Variants in USH1C observed in about 807,000 individuals in gnomAD.
The protein encoded by USH1C is USH1 protein network component harmonin, also known as harmonin.
Under a neutral mutation model 119.3 loss-of-function variants are expected in USH1C, and 90 were observed. That is an observed-to-expected ratio of 0.75 (90% CI 0.64 to 0.90). The LOEUF (loss-of-function observed/expected upper bound fraction) is 0.90. Among genes scored for constraint, USH1C ranks in the 40% least tolerant of loss-of-function variants. The pLI is 0.00. For synonymous variants in USH1C, 465 were observed against 443.3 expected (o/e 1.05, Z -0.62); for missense variants, 1,165 against 1,167.7 (o/e 1.00, Z 0.03).
rs397517876 is a variant in USH1C, at chr11:17,498,234, G to A, written c.2418C>T (p.Asn806=). ...GGGTGTAGTCTGTCACAATCTTGCC[G>A]TTGATTGCCATGATCTCGTCCCCTT... The part of the protein sequence containing the change: ...IVKGDEIMAI[N]GKIVTDYTLA... Residue 806 remains asparagine, a synonymous_variant, in exon 24 of 27, where the codon AAC becomes AAT. Coordinates refer to ENST00000005226, the MANE Select transcript of USH1C (RefSeq NM_153676.4). The A allele has an allele frequency of 1.1e-5, 17 of 1,614,054 alleles. No homozygotes were observed. The highest frequency in any genetic ancestry group is 1.7e-5 in the Admixed American group (1 of 60,006).
At chr11:17,521,053 G>A in intron 13 of USH1C, 59 bp from the exon 14 acceptor site, 1 of 1,607,696 alleles carries the variant, frequency 6.2e-7, no homozygotes, top group Non-Finnish European at 8.5e-7. Context: ...CCCATCTCCT[G>A]CATATCGGAG....
At chr11:17,506,036 T>A in intron 18 of USH1C, 87 bp from the exon 19 acceptor site, 1 of 1,593,778 alleles carries the variant, frequency 6.3e-7, no homozygotes, top group Non-Finnish European at 8.6e-7. Context: ...CATGCAAATC[T>A]ACACCCATGC....
At chr11:17,504,847 A>G (rs1172400055) in intron 19 of USH1C, 150 bp from the exon 20 acceptor site, 6 of 718,916 alleles carry the variant, frequency 8.3e-6, no homozygotes, top group Non-Finnish European at 1.2e-5. Flanking sequence ...GGCCTGCTCA[A>G]TGCCCAAAGA....
In USH1C at chr11:17,533,258, T is replaced by C. The variant is rs75157409; in HGVS notation, c.101A>G (p.His34Arg). 1,678 of 1,613,556 alleles carry C rather than the reference T, an allele frequency of 1.0e-3. 16 individuals are homozygous for C. The African/African-American group carries it at 0.017, about 16-fold the overall frequency. The change falls in exon 2 of 27, where the codon CAC becomes CGC. Residue 34 changes from histidine to arginine, a missense_variant. His to Arg is a conservative substitution (Grantham distance 29). Transcript: ENST00000005226. ...GAGCTGGACCCAGCACACTTACTGG[T>C]GGTACATTCGCAGCACATCATAGAG... ...DYLYDVLRMY[H>R]QTMDVAVLVG...
chr11:17,518,737 G>C (rs956535360), intron 14 of USH1C, among the ~76,000 whole-genome samples: 11 of 152,088 alleles, frequency 7.2e-5, no homozygotes, highest in Non-Finnish European at 1.5e-4. Context: ...GCAGGGCCCG[G>C]GGCCAGGCAC....
Position 17,497,986 on chromosome 11 carries a change from T to C in USH1C, c.2490+176A>G, listed in dbSNP as rs77449674. Among the ~76,000 whole-genome samples, 343 of 152,306 alleles carry C rather than the reference T, an allele frequency of 2.3e-3. 1 individual carries two copies. Among genetic ancestry groups the C allele is most frequent in the African/African-American group, 7.9e-3 (328 of 41,568 alleles). ...AGGAATTGACATCTATTTTTCTGAA[T>C]CCCATCTTGTCAGATTTAAACCACA... On this transcript the variant is annotated intron_variant, in intron 24 of 26. Transcript: ENST00000005226.
At position 17,496,668 on chromosome 11, in the gene USH1C, G is replaced by C. The variant is rs1044584445; in HGVS notation, c.2546+90C>G. On this transcript the variant is annotated intron_variant, in intron 25 of 26. Transcript: ENST00000005226. ...CGTGCTTGGGCCATTCCTTCAGGCT[G>C]GGAGAAGGCTGGGGATGGGCTGGAG... 1.2e-5 allele frequency: 19 copies of C among 1,523,806 alleles called. No homozygotes were observed. In the East Asian group the frequency reaches 4.3e-4, roughly 35 times the overall value. 94.4% of individuals were successfully genotyped at this position (1,523,806 alleles called of 1,614,324 possible).
At chr11:17,505,805 C>T (rs1025361692) in intron 19 of USH1C, 25 bp downstream of exon 19, 30 of 1,613,676 alleles carry the variant, frequency 1.9e-5, no homozygotes, top group Non-Finnish European at 2.5e-5. Flanking sequence ...CTAGAGACAA[C>T]CTGGAGGGGA....
In USH1C at chr11:17,524,439, A is replaced by G. The variant is rs1850565034; in HGVS notation, c.759+12T>C. On this transcript the variant is annotated intron_variant, in intron 9 of 26. Coordinates refer to ENST00000005226, the MANE Select transcript of USH1C (RefSeq NM_153676.4). ...AGTGGGCCCCCACTGGGGCCGGCCCAGCGTCACTCACCTCCAATCCCACCT... is the reference window on the plus strand; with the variant it reads ...AGTGGGCCCCCACTGGGGCCGGCCCGGCGTCACTCACCTCCAATCCCACCT... 1.3e-6 allele frequency: 2 copies of G among 1,566,374 alleles called. No homozygotes were observed. Among genetic ancestry groups the G allele is most frequent in the East Asian group, 4.8e-5 (2 of 41,994 alleles).
At chr11:17,495,225 C>T in intron 26 of USH1C, 3 of 365,964 alleles carry the variant, frequency 8.2e-6, no homozygotes, top group East Asian at 6.1e-5. Flanking sequence ...ATGCCTGGTT[C>T]GAGGCATTGT....
In USH1C at chr11:17,505,921, C is replaced by A. The variant is rs754366710; in HGVS notation, c.2042G>T (p.Arg681Leu). The change falls in exon 19 of 27, where the codon CGA becomes CTA. Residue 681 changes from arginine (R) to leucine (L), a missense_variant. Physicochemically the swap from Arg to Leu is moderately radical, Grantham distance 102. Coordinates refer to ENST00000005226, the MANE Select transcript of USH1C (RefSeq NM_153676.4). ...KTFCPSPQPP[R>L]GPGVSTISKP... ...GGAGATGGTGGACACGCCAGGGCCT[C>A]GTGGAGGCTGTGGGCTTGGGCAAAA... 1 of 1,614,172 alleles carries A rather than the reference C, an allele frequency of 6.2e-7. No individual in the cohort carries two copies. Among genetic ancestry groups the A allele is most frequent in the Non-Finnish European group, 8.5e-7 (1 of 1,180,020 alleles).
intron 2 of USH1C, among the ~76,000 whole-genome samples, chr11:17,532,199 C>T (rs1006517245): frequency 3.9e-5 from 6 of 152,234 alleles, no homozygotes; most frequent in Admixed American, 3.3e-4. Flanking sequence ...TACTTATCTC[C>T]ATTCACACCC....
chr11:17,539,931 A>G, intron 1 of USH1C, among the ~76,000 whole-genome samples: 1 of 150,012 alleles, frequency 6.7e-6, no homozygotes, highest in Non-Finnish European at 1.5e-5. Context: ...CTCCAGGCTC[A>G]ATTGATTCTC....
At chr11:17,526,546 C>T (rs923495227) in intron 7 of USH1C, 105 bp from the exon 8 acceptor site, 2 of 1,176,428 alleles carry the variant, frequency 1.7e-6, no homozygotes, top group Non-Finnish European at 2.5e-6. Flanking sequence ...TCACGCCAGC[C>T]AGATCATCAT....
chr11:17,533,698 A>G (rs1170452725), intron 1 of USH1C: 3 of 484,938 alleles, frequency 6.2e-6, no homozygotes, highest in South Asian at 4.6e-5. Flanking sequence ...ATCCATGGCC[A>G]GAAGAAGCCC....
chr11:17,518,039 T>G (rs141181454), intron 14 of USH1C, among the ~76,000 whole-genome samples: 1 of 152,210 alleles, frequency 6.6e-6, no homozygotes, highest in Non-Finnish European at 1.5e-5. Context: ...GAGCAAACCC[T>G]CCATTCCAGA....
intron 24 of USH1C, among the ~76,000 whole-genome samples, chr11:17,497,883 A>C (rs1465344500): frequency 2.0e-5 from 3 of 152,172 alleles, no homozygotes; most frequent in African/African-American, 4.8e-5. Flanking sequence ...AAAAGACCTT[A>C]AGTCTTTTTC....
In USH1C at chr11:17,526,294, G is replaced by A. The variant is rs111974318; in HGVS notation, c.674+53C>T. ...AGTGAGGAAGGGGAGGGCAATAGGG[G>A]CCTGCTGGGGTGCACTGGCCACGAA... is the stretch of plus-strand genomic sequence containing the variant. On this transcript the variant is annotated intron_variant, in intron 8 of 26. Coordinates refer to ENST00000005226, the MANE Select transcript of USH1C (RefSeq NM_153676.4). The A allele has an allele frequency of 3.5e-4, 520 of 1,482,372 alleles. No homozygotes were observed. The African/African-American group carries it at 6.4e-3, about 18-fold the overall frequency. 91.8% of individuals were successfully genotyped at this position (1,482,372 alleles called of 1,614,324 possible).
intron 1 of USH1C, 193 bp from the exon 2 acceptor site, chr11:17,533,515 A>G (rs935819433): frequency 4.7e-6 from 3 of 639,632 alleles, no homozygotes; most frequent in Non-Finnish European, 8.5e-6. Context: ...GACCACCCCA[A>G]CGTGGCCACA....
Sources: allele counts gnomAD v4.1 joint callset (sites outside exome capture counted in the v4.1 genomes callset), GRCh38; gene constraint gnomAD v4.1.1; transcripts MANE v1.5; gene names NCBI Gene and HGNC (gene_info 2026-07-23, HGNC 2026-07-21).